Variants in FAM13B observed in about 807,000 individuals in gnomAD.
The protein encoded by FAM13B is protein FAM13B.
In FAM13B, 60 loss-of-function variants were observed where a neutral mutation model predicts 117.3. The observed-to-expected ratio is 0.51, with a 90% CI of 0.42 to 0.63. The LOEUF is 0.63. FAM13B is among the 30% of genes least tolerant of loss of function. The probability of loss-of-function intolerance (pLI) is 0.00; values close to 1 mark genes in which losing one functional copy is unlikely to be tolerated. For synonymous variants in FAM13B, 332 were observed against 356.1 expected, an observed-to-expected ratio of 0.93 and a Z score of 0.76; for missense variants, 972 against 1,091.9, an observed-to-expected ratio of 0.89 and a Z score of 1.55.
At position 137,979,319 on chromosome 5, in the gene FAM13B, ATAT is replaced by A. The variant is rs1295602362; in HGVS notation, c.1179+5935_1179+5937del. Among the ~76,000 whole-genome samples the A allele has an allele frequency of 4.0e-4, 61 of 152,244 alleles. 1 individual carries two copies. The highest frequency in any genetic ancestry group is 1.3e-4 in the Non-Finnish European group (9 of 68,012). On this transcript the variant is annotated intron_variant, in intron 10 of 23. Coordinates refer to ENST00000689681, the MANE Select transcript of FAM13B (RefSeq NM_001385994.1). ...TGAGCCACCATGCCCACCAGCTCAG[ATAT>A]TTTAAGTGCTCGCCAAATACAGTGC...
chr5:137,969,459 T>A (rs1771301361), intron 10 of FAM13B, among the ~76,000 whole-genome samples: 1 of 152,256 alleles, frequency 6.6e-6, no homozygotes, highest in East Asian at 1.9e-4. Flanking sequence ...AACCCATCTG[T>A]ACATCACCAT....
chr5:137,944,820 C>T (rs1423980267), intron 20 of FAM13B, among the ~76,000 whole-genome samples: 2 of 151,278 alleles, frequency 1.3e-5, no homozygotes, highest in Admixed American at 1.3e-4. Context: ...TAGGTGGAGG[C>T]CATTATCCTA....
At chr5:137,992,715 A>C (rs1178635089) in intron 7 of FAM13B, among the ~76,000 whole-genome samples, 1 of 152,244 alleles carries the variant, frequency 6.6e-6, no homozygotes, top group Non-Finnish European at 1.5e-5. Context: ...AAATACTGTT[A>C]TATGCTCACA....
chr5:138,028,671 T>C (rs913598531), intron 1 of FAM13B, among the ~76,000 whole-genome samples: 17 of 152,002 alleles, frequency 1.1e-4, no homozygotes, highest in African/African-American at 4.1e-4. Context: ...TCACCAGAGG[T>C]CAGGAATTCA....
intron 7 of FAM13B, among the ~76,000 whole-genome samples, chr5:137,998,322 CTT>C (rs1435450451): frequency 6.6e-6 from 1 of 152,176 alleles, no homozygotes; most frequent in African/African-American, 2.4e-5. Context: ...CCACTTGAAA[CTT>C]TTTAAAAAGG....
At chr5:138,051,865 G>A (rs1791809648) in intron 1 of FAM13B, 1 of 152,032 alleles carries the variant, frequency 6.6e-6, no homozygotes, top group Non-Finnish European at 1.5e-5. Context: ...AGGACCAAAG[G>A]AAAATGACTC....
chr5:137,951,622 A>C (rs1385641309), intron 17 of FAM13B, among the ~76,000 whole-genome samples: 5 of 152,146 alleles, frequency 3.3e-5, no homozygotes, highest in Non-Finnish European at 5.9e-5. Context: ...CCATGCTACC[A>C]CACTTCAACC....
chr5:137,942,864 A>C lies in FAM13B; in HGVS notation c.2588+11T>G, dbSNP rs1039065394. 2.0e-5 allele frequency: 31 copies of C among 1,584,710 alleles called. No homozygotes were observed. Among genetic ancestry groups the C allele is most frequent in the Non-Finnish European group, 2.5e-5 (29 of 1,172,318 alleles). On this transcript the variant is annotated intron_variant, in intron 22 of 23. Coordinates refer to ENST00000689681, the MANE Select transcript of FAM13B (RefSeq NM_001385994.1). ...TAAAAATAGGCTAAAATCACAAATC[A>C]GCATACATACATAGAAGCTGCTCGA...
At chr5:137,956,592 C>T (rs1766625557) in intron 13 of FAM13B, 50 bp from the exon 14 acceptor site, 1 of 1,386,538 alleles carries the variant, frequency 7.2e-7, no homozygotes, top group Non-Finnish European at 1.0e-6. Context: ...ACACACAGCA[C>T]AGTCAGAACA....
chr5:137,943,474 C>T (rs1290156836), intron 20 of FAM13B, among the ~76,000 whole-genome samples: 1 of 152,188 alleles, frequency 6.6e-6, no homozygotes, highest in African/African-American at 2.4e-5. Flanking sequence ...GGGCCAGGCA[C>T]GGTGGCTAAC....
At chr5:138,045,744 A>T (rs768145369) in intron 1 of FAM13B, among the ~76,000 whole-genome samples, 5 of 152,106 alleles carry the variant, frequency 3.3e-5, no homozygotes, top group African/African-American at 4.8e-5. Context: ...CACACCTGTA[A>T]TCCCAGCACT....
chr5:138,014,145 C>G (rs1784716458), intron 4 of FAM13B, among the ~76,000 whole-genome samples: 2 of 152,220 alleles, frequency 1.3e-5, no homozygotes, highest in Non-Finnish European at 2.9e-5. Context: ...CTATGTTGCC[C>G]AGACTGGTCT....
rs1200188256 is a variant in FAM13B at position 137,960,292 on chromosome 5, T to G, written c.1245-78A>C. The G allele has an allele frequency of 3.7e-6, 3 of 800,026 alleles. No homozygotes were observed. The African/African-American group carries it at 5.4e-5, about 14-fold the overall frequency. The allele number at this position is 800,026 out of a possible 1,614,324, so 49.6% of individuals were successfully genotyped here. The stretch of plus-strand genomic sequence containing the variant: ...ATTATATATTTCTTACCTAGATTCC[T>G]CTACTCCATAACACAGTTAGCATTT... On this transcript the variant is annotated intron_variant, in intron 11 of 23. Transcript: ENST00000689681.
intron 12 of FAM13B, 92 bp downstream of exon 12, chr5:137,960,074 C>A (rs1767720743): frequency 3.7e-6 from 3 of 815,842 alleles, no homozygotes. Flanking sequence ...ATATTTAAAT[C>A]TTTAAACCTA....
intron 10 of FAM13B, among the ~76,000 whole-genome samples, chr5:137,974,465 G>T (rs1462069871): frequency 1.0e-5 from 1 of 98,008 alleles, no homozygotes; most frequent in Admixed American, 1.3e-4. Flanking sequence ...GTTGTGGGGT[G>T]GGGGGAGGGG....
At chr5:137,978,243 AG>A (rs1178962356) in intron 10 of FAM13B, among the ~76,000 whole-genome samples, 1 of 151,992 alleles carries the variant, frequency 6.6e-6, no homozygotes, top group African/African-American at 2.4e-5. Flanking sequence ...AGAAACCCCC[AG>A]TAAGAATTCT....
intron 10 of FAM13B, among the ~76,000 whole-genome samples, chr5:137,979,894 G>A (rs1438196704): frequency 6.6e-6 from 1 of 151,954 alleles, no homozygotes; most frequent in East Asian, 1.9e-4. Flanking sequence ...AGGCACGGTG[G>A]CTCACGCCTA....
intron 7 of FAM13B, among the ~76,000 whole-genome samples, chr5:137,991,478 G>A: frequency 6.6e-6 from 1 of 152,156 alleles, no homozygotes; most frequent in East Asian, 1.9e-4. Context: ...TGTCATCCAT[G>A]GACCACTTGT....
intron 13 of FAM13B, 118 bp from the exon 14 acceptor site, chr5:137,956,660 G>A (rs1766646351): frequency 1.4e-5 from 7 of 494,806 alleles, no homozygotes; most frequent in South Asian, 1.3e-4. Context: ...AAACCAGTTA[G>A]GCATTCTGTT....
Sources: gnomAD v4.1 joint callset for allele counts (sites outside exome capture counted in the v4.1 genomes callset) on GRCh38, gnomAD v4.1.1 for gene constraint, MANE v1.5 for transcripts, NCBI Gene and HGNC (gene_info 2026-07-23, HGNC 2026-07-21) for gene names.